PROS1: variants seen among roughly 807,000 people sequenced by gnomAD.
PROS1 encodes protein S.
PROS1 carries 29 observed loss-of-function variants against 75.9 expected under a neutral mutation model. That is an observed-to-expected ratio of 0.38 (90% confidence interval 0.28 to 0.52). PROS1 has a LOEUF of 0.52. PROS1 is among the 20% of genes least tolerant of loss of function. The pLI, the probability that PROS1 is intolerant of heterozygous loss-of-function variation, is 0.83. For missense variants in PROS1, 680 were observed against 810.3 expected (o/e 0.84, Z 1.95); for synonymous variants, 245 against 280.6 (o/e 0.87, Z 1.27).
At chr3:93,944,827 A>G (rs1176738062) in intron 1 of PROS1, among the ~76,000 whole-genome samples, 1 of 152,186 alleles carries the variant, frequency 6.6e-6, no homozygotes, top group Non-Finnish European at 1.5e-5. Flanking sequence ...TGAAGGAGAT[A>G]GAGACACAAA....
intron 1 of PROS1, among the ~76,000 whole-genome samples, chr3:93,956,412 G>GC (rs1403621242): frequency 1.3e-5 from 2 of 151,978 alleles, no homozygotes; most frequent in Non-Finnish European, 2.9e-5. Flanking sequence ...TAGGAGGATT[G>GC]CCTAAGCCTG....
At chr3:93,952,153 G>A (rs1489381745) in intron 1 of PROS1, among the ~76,000 whole-genome samples, 1 of 152,058 alleles carries the variant, frequency 6.6e-6, no homozygotes, top group Non-Finnish European at 1.5e-5. Context: ...ACACCCCACT[G>A]TCAACATTAG....
At chr3:93,881,429 T>G (rs1319300894) in intron 12 of PROS1, among the ~76,000 whole-genome samples, 1 of 152,134 alleles carries the variant, frequency 6.6e-6, no homozygotes, top group Non-Finnish European at 1.5e-5. Flanking sequence ...ACTATTTGGG[T>G]GATGTGTACA....
intron 7 of PROS1, among the ~76,000 whole-genome samples, chr3:93,900,030 A>C (rs1708565439): frequency 6.6e-6 from 1 of 152,236 alleles, no homozygotes; most frequent in African/African-American, 2.4e-5. Flanking sequence ...CAGATACAAT[A>C]GAAAAATTAG....
chr3:93,934,457 G>A (rs1709152886), intron 1 of PROS1, among the ~76,000 whole-genome samples: 1 of 152,124 alleles, frequency 6.6e-6, no homozygotes, highest in Non-Finnish European at 1.5e-5. Flanking sequence ...TTTATATTTT[G>A]TATCACATTG....
chr3:93,873,117 T>G lies in PROS1; in HGVS notation c.*1128A>C, dbSNP rs918930634. ...AAAGATATTCACATGCATTTTAAAA[T>G]TATACACCGATTTATTATAAGTGAT... On this transcript the variant is annotated 3_prime_UTR_variant, in exon 15 of 15. Coordinates refer to ENST00000394236, the MANE Select transcript of PROS1 (RefSeq NM_000313.4). 1 of 152,228 alleles carries G rather than the reference T, an allele frequency of 6.6e-6. No individual in the cohort carries two copies. Among genetic ancestry groups the G allele is most frequent in the African/African-American group, 2.4e-5 (1 of 41,466 alleles). The allele number at this position is 152,228 out of a possible 1,614,324, so 9.4% of individuals were successfully genotyped here.
intron 1 of PROS1, among the ~76,000 whole-genome samples, chr3:93,953,963 C>T (rs1210091931): frequency 1.3e-5 from 2 of 152,116 alleles, no homozygotes; most frequent in Admixed American, 6.5e-5. Context: ...TGAGTGAACT[C>T]CCATTCACAA....
At chr3:93,897,697 A>G (rs1002990140) in intron 8 of PROS1, among the ~76,000 whole-genome samples, 2 of 152,054 alleles carry the variant, frequency 1.3e-5, no homozygotes, top group African/African-American at 4.8e-5. Context: ...ACTTAGTTAA[A>G]TCATTATTTA....
chr3:93,921,620 T>C (rs1466662697), intron 3 of PROS1, among the ~76,000 whole-genome samples: 1 of 152,226 alleles, frequency 6.6e-6, no homozygotes, highest in Non-Finnish European at 1.5e-5. Flanking sequence ...ATATTTTATG[T>C]TTTTCTAGGA....
At chr3:93,910,486 T>G in intron 4 of PROS1, 133 bp downstream of exon 4, 2 of 759,492 alleles carry the variant, frequency 2.6e-6, no homozygotes, top group South Asian at 3.1e-5. Context: ...AGTTTGAAAA[T>G]ACTTCCTTGC....
chr3:93,959,378 T>C (rs1341380378), intron 1 of PROS1, among the ~76,000 whole-genome samples: 1 of 152,060 alleles, frequency 6.6e-6, no homozygotes, highest in African/African-American at 2.4e-5. Context: ...AAATGCCCAT[T>C]CCTAAAAGTC....
chr3:93,895,125 C>T (rs1414667971), intron 9 of PROS1, among the ~76,000 whole-genome samples: 1 of 152,130 alleles, frequency 6.6e-6, no homozygotes, highest in Non-Finnish European at 1.5e-5. Context: ...ATACTCAATA[C>T]AATGCAAATG....
intron 1 of PROS1, among the ~76,000 whole-genome samples, chr3:93,942,928 A>C (rs1397255405): frequency 2.0e-5 from 3 of 152,128 alleles, no homozygotes; most frequent in Non-Finnish European, 2.9e-5. Context: ...ACATGCCATG[A>C]GTCAGGAAAC....
At chr3:93,910,598 A>G (rs1012671340) in intron 4 of PROS1, 21 bp downstream of exon 4, 18 of 1,590,274 alleles carry the variant, frequency 1.1e-5, no homozygotes, top group Admixed American at 3.3e-5. Context: ...TGTTTTTTCA[A>G]TTGATGGTAG....
At chr3:93,928,737 C>G (rs865872535) in intron 1 of PROS1, 1 of 1,295,386 alleles carries the variant, frequency 7.7e-7, no homozygotes, top group Non-Finnish European at 1.0e-6. Context: ...TCCAGATAAG[C>G]CGACCAATAC....
intron 2 of PROS1, among the ~76,000 whole-genome samples, chr3:93,926,200 G>T (rs532041845): frequency 2.6e-5 from 4 of 152,174 alleles, no homozygotes; most frequent in Non-Finnish European, 5.9e-5. Flanking sequence ...GCAGAGTGTT[G>T]ATTATTATTA....
chr3:93,880,420 C>T (rs1326149077), intron 12 of PROS1, among the ~76,000 whole-genome samples: 1 of 151,882 alleles, frequency 6.6e-6, no homozygotes, highest in Non-Finnish European at 1.5e-5. Flanking sequence ...TCAGGAGAAT[C>T]GCTTGAACTC....
Position 93,893,058 on chromosome 3 carries a change from T to A in PROS1, c.1030A>T (p.Ile344Phe), listed in dbSNP as rs773309134. 5 of 1,614,084 alleles carry A rather than the reference T, an allele frequency of 3.1e-6. No homozygotes were observed. The South Asian group carries it at 3.3e-5, about 11-fold the overall frequency. The change falls in exon 10 of 15, where the codon ATC becomes TTC. Residue 344 changes from isoleucine (I) to phenylalanine (F), a missense_variant. By Grantham distance (21) the Ile-to-Phe change is conservative. Coordinates refer to ENST00000394236, the MANE Select transcript of PROS1 (RefSeq NM_000313.4). ...ATCAGGAGCCACGCTGAGTGATCGATAGATTCTGCGTACAGTATCACGCCT... is the reference window on the plus strand; with the variant it reads ...ATCAGGAGCCACGCTGAGTGATCGAAAGATTCTGCGTACAGTATCACGCCT... ...SEGVILYAES[I>F]DHSAWLLIAL...
intron 1 of PROS1, among the ~76,000 whole-genome samples, chr3:93,956,676 C>T (rs1343700299): frequency 6.6e-6 from 1 of 151,842 alleles, no homozygotes; most frequent in Non-Finnish European, 1.5e-5. Flanking sequence ...GTCTTCTTAC[C>T]CTCACTTTGT....
Sources: gnomAD v4.1 joint callset for allele counts (sites outside exome capture counted in the v4.1 genomes callset) on GRCh38, gnomAD v4.1.1 for gene constraint, MANE v1.5 for transcripts, NCBI Gene and HGNC (gene_info 2026-07-23, HGNC 2026-07-21) for gene names.